EXOC5: variants seen among roughly 807,000 people sequenced by gnomAD.
EXOC5 encodes the protein exocyst complex component 5.
In EXOC5, 17 loss-of-function variants were observed where a neutral mutation model predicts 90.8. The ratio of observed to expected loss-of-function variants is 0.19; its 90% CI spans 0.13 to 0.28. The LOEUF is 0.28. Ranked by LOEUF, EXOC5 falls within the 10% of genes least tolerant of loss-of-function variation. EXOC5 has a pLI of 1.00. For missense variants in EXOC5, 569 were observed against 830.6 expected (o/e 0.69, Z 3.87); for synonymous variants, 260 against 270.0 (o/e 0.96, Z 0.36).
Position 57,246,700 on chromosome 14 carries a change from A to G in EXOC5, c.270+11T>C. 1 of 1,606,256 alleles carries G rather than the reference A, an allele frequency of 6.2e-7. No individual in the cohort carries two copies. The highest frequency in any genetic ancestry group is 8.5e-7 in the Non-Finnish European group (1 of 1,177,152). ...CTATATAAAATACCCATTTCTTAACAAAACGTTTACCTGATTGCTTTTCTG... is the reference window on the plus strand; with the variant it reads ...CTATATAAAATACCCATTTCTTAACGAAACGTTTACCTGATTGCTTTTCTG... On this transcript the variant is annotated intron_variant, in intron 3 of 17. Transcript: ENST00000621441.
intron 16 of EXOC5, 84 bp downstream of exon 16, chr14:57,209,869 A>G (rs1469164683): frequency 4.1e-6 from 5 of 1,234,440 alleles, no homozygotes; most frequent in Non-Finnish European, 5.7e-6. Context: ...ATCTTTAAGT[A>G]TAAAAGAAAA....
intron 1 of EXOC5, among the ~76,000 whole-genome samples, chr14:57,263,822 C>T (rs1884590590): frequency 6.6e-6 from 1 of 151,782 alleles, no homozygotes; most frequent in Admixed American, 6.6e-5. Context: ...GCCACCACTC[C>T]CTATTCTTAA....
In EXOC5 at chr14:57,208,233, G is replaced by A. The variant is rs185561265; in HGVS notation, c.*376C>T. On this transcript the variant is annotated 3_prime_UTR_variant, in exon 18 of 18. Transcript: ENST00000621441. ...ACCTATTATTAATGGAAAACAGAAT[G>A]GCAAAATTTCTAAATGGAATATGTT... is the stretch of plus-strand genomic sequence containing the variant. 6.8e-4 allele frequency: 110 copies of A among 162,550 alleles called. No homozygotes were observed. Among genetic ancestry groups the A allele is most frequent in the Middle Eastern group, 3.1e-3 (1 of 326 alleles). The allele number at this position is 162,550 out of a possible 1,614,324, so 10.1% of individuals were successfully genotyped here. A position where few individuals can be genotyped will look rare whatever the true frequency, so the allele number is the denominator to read the frequency against.
chr14:57,230,206 G>A (rs918759945), intron 11 of EXOC5, among the ~76,000 whole-genome samples: 5 of 152,016 alleles, frequency 3.3e-5, no homozygotes, highest in Non-Finnish European at 7.4e-5. Flanking sequence ...TCTAAATAAC[G>A]AAATAGTCCT....
Position 57,201,563 on chromosome 14 carries a change from TA to T in EXOC5, c.*7045del, listed in dbSNP as rs1882508756. 4 of 107,772 alleles carry T rather than the reference TA, an allele frequency of 3.7e-5. No homozygotes were observed. The highest frequency in any genetic ancestry group is 1.8e-4 in the Admixed American group (2 of 10,946). The allele number at this position is 107,772 out of a possible 1,614,324, so 6.7% of individuals were successfully genotyped here. A position where few individuals can be genotyped will look rare whatever the true frequency, so the allele number is the denominator to read the frequency against. On this transcript the variant is annotated 3_prime_UTR_variant, in exon 18 of 18. Coordinates refer to ENST00000621441, the MANE Select transcript of EXOC5 (RefSeq NM_006544.4). ...CATATACATATATTTTTATATATATTAATATTATATATATATATATATATAT... is the reference window on the plus strand; with the variant it reads ...CATATACATATATTTTTATATATATTATATTATATATATATATATATATAT...
Position 57,201,336 on chromosome 14 carries a change from T to C in EXOC5, c.*7273A>G, listed in dbSNP as rs1882491890. ...TACTTCTGACCAAATTTGGGATAAT[T>C]TGAGATTTGGTAAAATGACAGATTA... On this transcript the variant is annotated 3_prime_UTR_variant, in exon 18 of 18. Coordinates refer to ENST00000621441, the MANE Select transcript of EXOC5 (RefSeq NM_006544.4). The C allele has an allele frequency of 6.6e-6, 1 of 151,284 alleles. No individual in the cohort carries two copies. Among genetic ancestry groups the C allele is most frequent in the Admixed American group, 6.6e-5 (1 of 15,154 alleles). 9.4% of individuals were successfully genotyped at this position (151,284 alleles called of 1,614,324 possible).
intron 13 of EXOC5, 77 bp downstream of exon 13, chr14:57,222,231 C>T: frequency 5.9e-6 from 4 of 677,438 alleles, no homozygotes; most frequent in Non-Finnish European, 9.9e-6. Flanking sequence ...TGATTATAAG[C>T]AAAACAACAT....
intron 1 of EXOC5, among the ~76,000 whole-genome samples, chr14:57,262,872 C>T (rs1389353315): frequency 6.6e-6 from 1 of 151,748 alleles, no homozygotes; most frequent in Admixed American, 6.6e-5. Flanking sequence ...GGAATTTTAA[C>T]TCCTCAGTAA....
chr14:57,245,898 A>T (rs1171605640), intron 3 of EXOC5, among the ~76,000 whole-genome samples: 1 of 152,084 alleles, frequency 6.6e-6, no homozygotes, highest in African/African-American at 2.4e-5. Context: ...AAATACAAAA[A>T]AATTAGCTGG....
At chr14:57,238,943 A>T (rs1225501429) in intron 5 of EXOC5, among the ~76,000 whole-genome samples, 1 of 152,124 alleles carries the variant, frequency 6.6e-6, no homozygotes, top group East Asian at 1.9e-4. Context: ...AAAGAGTCTG[A>T]CATTCCATAC....
chr14:57,233,744 T>C lies in EXOC5; in HGVS notation c.854A>G (p.Gln285Arg). 6.5e-7 allele frequency: 1 copy of C among 1,537,176 alleles called. No homozygotes were observed. The highest frequency in any genetic ancestry group is 9.0e-7 in the Non-Finnish European group (1 of 1,115,008). ...LIQNVFEIKL[Q>R]SFVKEQLEEC... ...TAATTTGTTACTATTTAAAATTACC[T>C]GTAGTTTGATTTCAAATACATTTTG... The change falls in exon 9 of 18, where the codon CAG becomes CGG. Residue 285 changes from glutamine to arginine, a missense_variant and splice_region_variant. Physicochemically the swap from Gln to Arg is conservative, Grantham distance 43 (BLOSUM62 1). Coordinates refer to ENST00000621441, the MANE Select transcript of EXOC5 (RefSeq NM_006544.4).
rs1479707565 is a variant in EXOC5 at position 57,209,551 on chromosome 14, T to C, written c.1938+16A>G. 3.9e-6 allele frequency: 6 copies of C among 1,531,324 alleles called. No individual in the cohort carries two copies. The highest frequency in any genetic ancestry group is 3.6e-6 in the Non-Finnish European group (4 of 1,114,200). The allele number at this position is 1,531,324 out of a possible 1,614,324, so 94.9% of individuals were successfully genotyped here. On this transcript the variant is annotated intron_variant, in intron 17 of 17. Transcript: ENST00000621441. ...CTGGGCCTATTTGCAAGTTTGATGT[T>C]TTTGTGTACACATACCTTGAAGTCT...
At position 57,200,712 on chromosome 14, in the gene EXOC5, C is replaced by G. The variant is rs577806028; in HGVS notation, c.*7897G>C. On this transcript the variant is annotated 3_prime_UTR_variant, in exon 18 of 18. Coordinates refer to ENST00000621441, the MANE Select transcript of EXOC5 (RefSeq NM_006544.4). ...TAAGTTCTGTGTCTTGGGCATAACACTTTACCCCCTCCTCAATTCAGCTTT... is the reference window on the plus strand; with the variant it reads ...TAAGTTCTGTGTCTTGGGCATAACAGTTTACCCCCTCCTCAATTCAGCTTT... The G allele has an allele frequency of 1.3e-5, 2 of 149,488 alleles. No homozygotes were observed. The highest frequency in any genetic ancestry group is 4.0e-4 in the East Asian group (2 of 5,036). The allele number at this position is 149,488 out of a possible 1,614,324, so 9.3% of individuals were successfully genotyped here. A position where few individuals can be genotyped will look rare whatever the true frequency, so the allele number is the denominator to read the frequency against.
chr14:57,257,318 T>TA (rs1884376122), intron 1 of EXOC5, among the ~76,000 whole-genome samples: 1 of 152,178 alleles, frequency 6.6e-6, no homozygotes, highest in South Asian at 2.1e-4. Flanking sequence ...CCACATATGT[T>TA]AAAGTGTAGA....
At chr14:57,266,733 GTGTA>G (rs1439039586) in intron 1 of EXOC5, among the ~76,000 whole-genome samples, 40 of 96,924 alleles carry the variant, frequency 4.1e-4, no homozygotes, top group South Asian at 4.2e-4. Flanking sequence ...ATGTGTGTGT[GTGTA>G]TATATATATA....
chr14:57,227,999 G>GAT (rs1300647374), intron 12 of EXOC5, among the ~76,000 whole-genome samples: 2 of 141,244 alleles, frequency 1.4e-5, no homozygotes, highest in African/African-American at 2.7e-5. Context: ...ATACAAACAA[G>GAT]ATATATATAC....
chr14:57,230,437 A>T (rs1299930773), intron 11 of EXOC5, among the ~76,000 whole-genome samples: 1 of 149,374 alleles, frequency 6.7e-6, no homozygotes, highest in Non-Finnish European at 1.5e-5. Context: ...ACACACACAC[A>T]CACACACAAA....
chr14:57,227,638 T>C (rs1273696768), intron 12 of EXOC5, among the ~76,000 whole-genome samples: 2 of 152,206 alleles, frequency 1.3e-5, no homozygotes, highest in Admixed American at 1.3e-4. Context: ...GACTTCTTAA[T>C]TTATCCCAAC....
intron 4 of EXOC5, among the ~76,000 whole-genome samples, chr14:57,241,316 A>G (rs925259651): frequency 2.0e-5 from 3 of 152,136 alleles, no homozygotes; most frequent in Admixed American, 1.3e-4. Context: ...ATTTTCAACT[A>G]CCAAACACTC....
Sources: gnomAD v4.1 joint callset for allele counts (sites outside exome capture counted in the v4.1 genomes callset) on GRCh38, gnomAD v4.1.1 for gene constraint, MANE v1.5 for transcripts, NCBI Gene and HGNC (gene_info 2026-07-23, HGNC 2026-07-21) for gene names.